COL24A1: variants seen among roughly 807,000 people sequenced by gnomAD.
COL24A1 encodes collagen alpha-1(XXIV) chain.
A neutral mutation model predicts 253.9 loss-of-function variants in COL24A1; 224 were observed. The observed-to-expected ratio is 0.88, with a 90% CI of 0.79 to 0.99. The LOEUF is 0.99. COL24A1 is among the 50% of genes least tolerant of loss of function. The pLI is 0.00. For missense variants in COL24A1, 2,131 were observed against 2,068.5 expected (o/e 1.03, Z -0.59); for synonymous variants, 685 against 673.7 (o/e 1.02, Z -0.26).
intron 7 of COL24A1, among the ~76,000 whole-genome samples, chr1:86,078,003 A>G (rs1304347101): frequency 6.6e-6 from 1 of 152,190 alleles, no homozygotes; most frequent in Non-Finnish European, 1.5e-5. Context: ...TTAAAAAAAG[A>G]AAACTGCAGG....
intron 24 of COL24A1, among the ~76,000 whole-genome samples, chr1:85,945,855 G>A (rs1032965576): frequency 3.9e-5 from 6 of 151,940 alleles, no homozygotes; most frequent in African/African-American, 1.2e-4. Context: ...TGGAAGATAC[G>A]ATATAATTCC....
At chr1:85,748,569 C>T (rs1374594366) in intron 55 of COL24A1, among the ~76,000 whole-genome samples, 3 of 151,606 alleles carry the variant, frequency 2.0e-5, no homozygotes, top group Admixed American at 2.0e-4. Context: ...TCTACAGCTC[C>T]CAGCGTGAGC....
intron 22 of COL24A1, among the ~76,000 whole-genome samples, chr1:85,966,513 T>C (rs917864449): frequency 2.0e-5 from 3 of 152,100 alleles, no homozygotes; most frequent in Non-Finnish European, 4.4e-5. Context: ...CCAGTGAGTA[T>C]AGATAGAAAT....
chr1:85,854,819 T>A (rs1012046946), intron 37 of COL24A1, among the ~76,000 whole-genome samples: 5 of 151,990 alleles, frequency 3.3e-5, no homozygotes, highest in African/African-American at 1.2e-4. Context: ...TTCTCCCGCC[T>A]CAGCCTCCTG....
At chr1:85,798,923 A>AAATG (rs761931489) in intron 47 of COL24A1, among the ~76,000 whole-genome samples, 2 of 152,200 alleles carry the variant, frequency 1.3e-5, no homozygotes, top group East Asian at 1.9e-4. Flanking sequence ...TTTTGGTGAT[A>AAATG]AATGGATTTA....
intron 24 of COL24A1, among the ~76,000 whole-genome samples, chr1:85,920,929 G>A (rs1466332482): frequency 1.4e-5 from 2 of 144,492 alleles, no homozygotes; most frequent in Non-Finnish European, 1.5e-5. Context: ...GCAAGAGGTA[G>A]AAAAAAAAAA....
At chr1:85,819,334 C>G (rs1673365958) in intron 45 of COL24A1, among the ~76,000 whole-genome samples, 1 of 152,108 alleles carries the variant, frequency 6.6e-6, no homozygotes, top group Non-Finnish European at 1.5e-5. Context: ...TTTCAGTCAT[C>G]TTGAAATACT....
intron 24 of COL24A1, among the ~76,000 whole-genome samples, chr1:85,942,934 G>C (rs1401361320): frequency 6.6e-6 from 1 of 152,106 alleles, no homozygotes; most frequent in African/African-American, 2.4e-5. Flanking sequence ...GAATACCTAG[G>C]AACCTGGTAA....
chr1:85,870,544 C>T (rs1452598709), intron 35 of COL24A1, among the ~76,000 whole-genome samples: 9 of 152,206 alleles, frequency 5.9e-5, no homozygotes, highest in Non-Finnish European at 1.0e-4. Context: ...TTAAGAAACT[C>T]ACTCAACACT....
intron 47 of COL24A1, among the ~76,000 whole-genome samples, chr1:85,794,519 C>T (rs1354262675): frequency 1.3e-5 from 2 of 152,142 alleles, no homozygotes; most frequent in African/African-American, 4.8e-5. Context: ...AAGTCATTTA[C>T]TATGCTTGTT....
At chr1:85,998,907 T>C (rs1695131756) in intron 19 of COL24A1, among the ~76,000 whole-genome samples, 1 of 152,178 alleles carries the variant, frequency 6.6e-6, no homozygotes, top group African/African-American at 2.4e-5. Flanking sequence ...CTCTGGAAAG[T>C]GCTTTTGCCA....
At chr1:85,741,055 G>A (rs12757270) in intron 57 of COL24A1, among the ~76,000 whole-genome samples, 44,179 of 146,432 alleles carry the variant, frequency 0.3, 7,346 homozygotes, top group East Asian at 0.48. Flanking sequence ...GAAGGCGGAG[G>A]TTGCAGTGAG....
intron 24 of COL24A1, among the ~76,000 whole-genome samples, chr1:85,957,479 T>G (rs1034597933): frequency 6.6e-6 from 1 of 152,230 alleles, no homozygotes; most frequent in East Asian, 1.9e-4. Context: ...ATTGGAATTA[T>G]CCTGAGACAG....
At chr1:85,933,472 CTA>C (rs1239409763) in intron 24 of COL24A1, among the ~76,000 whole-genome samples, 3 of 152,170 alleles carry the variant, frequency 2.0e-5, no homozygotes, top group Non-Finnish European at 2.9e-5. Flanking sequence ...CTCCCAAAGA[CTA>C]TTTCCTAGCC....
At chr1:85,902,971 C>T (rs189510062) in intron 28 of COL24A1, among the ~76,000 whole-genome samples, 24 of 151,970 alleles carry the variant, frequency 1.6e-4, no homozygotes, top group Admixed American at 1.4e-3. Context: ...CCCTAAATAC[C>T]CTGACTTGCT....
chr1:85,965,163 T>G, intron 22 of COL24A1, 101 bp from the exon 23 acceptor site: 1 of 834,198 alleles, frequency 1.2e-6, no homozygotes, highest in Non-Finnish European at 1.9e-6. Context: ...TCTTATAAAT[T>G]TAAATACTTT....
At chr1:86,004,658 C>T (rs1168845374) in intron 19 of COL24A1, among the ~76,000 whole-genome samples, 1 of 152,114 alleles carries the variant, frequency 6.6e-6, no homozygotes, top group Non-Finnish European at 1.5e-5. Context: ...TCCTATTTAC[C>T]ATCACTCCCA....
At chr1:85,897,479 G>C (rs1182628168) in intron 28 of COL24A1, among the ~76,000 whole-genome samples, 1 of 152,048 alleles carries the variant, frequency 6.6e-6, no homozygotes, top group African/African-American at 2.4e-5. Flanking sequence ...GAAAATGAGT[G>C]CTGACTGCAT....
intron 7 of COL24A1, among the ~76,000 whole-genome samples, chr1:86,075,448 G>C (rs1180490918): frequency 6.6e-6 from 1 of 151,998 alleles, no homozygotes; most frequent in African/African-American, 2.4e-5. Context: ...ATTCATAGCC[G>C]AATTGTAACA....
Sources: allele counts gnomAD v4.1 joint callset (sites outside exome capture counted in the v4.1 genomes callset), GRCh38; gene constraint gnomAD v4.1.1; transcripts MANE v1.5; gene names NCBI Gene and HGNC (gene_info 2026-07-23, HGNC 2026-07-21).